The following L3MBTL4 variants were observed in gnomAD, a reference collection of about 807,000 sequenced individuals.
L3MBTL4 encodes the protein lethal(3)malignant brain tumor-like protein 4.
Under a neutral mutation model 84.5 loss-of-function variants are expected in L3MBTL4, and 70 were observed. The ratio of observed to expected loss-of-function variants is 0.83; its 90% confidence interval spans 0.68 to 1.01. L3MBTL4 has a LOEUF of 1.01. Ranked by LOEUF, L3MBTL4 falls within the 50% of genes least tolerant of loss-of-function variation. The pLI, the probability that L3MBTL4 is intolerant of heterozygous loss-of-function variation, is 0.00. For synonymous variants in L3MBTL4, 274 were observed against 259.8 expected (o/e 1.05, Z -0.52); for missense variants, 715 against 754.8 (o/e 0.95, Z 0.62).
intron 12 of L3MBTL4, among the ~76,000 whole-genome samples, chr18:6,207,415 C>T (rs558146324): frequency 6.6e-6 from 1 of 152,266 alleles, no homozygotes; most frequent in East Asian, 1.9e-4. Flanking sequence ...ACATATGCTA[C>T]TTTATTGGGT....
intron 13 of L3MBTL4, among the ~76,000 whole-genome samples, chr18:6,146,933 T>C (rs1304587135): frequency 6.6e-6 from 1 of 151,308 alleles, no homozygotes; most frequent in Non-Finnish European, 1.5e-5. Flanking sequence ...GATGGGGCGC[T>C]AGTGGGCTCG....
At chr18:6,021,903 A>G (rs1391535763) in intron 16 of L3MBTL4, among the ~76,000 whole-genome samples, 1 of 152,070 alleles carries the variant, frequency 6.6e-6, no homozygotes, top group South Asian at 2.1e-4. Flanking sequence ...CTCCTGCCAC[A>G]AAGATGTGCT....
At chr18:6,248,498 T>C (rs1433640376) in intron 5 of L3MBTL4, among the ~76,000 whole-genome samples, 1 of 152,232 alleles carries the variant, frequency 6.6e-6, no homozygotes, top group Non-Finnish European at 1.5e-5. Flanking sequence ...AAAGTTAAAA[T>C]TAGCAAAAGT....
At chr18:6,189,201 C>T (rs1222465700) in intron 12 of L3MBTL4, among the ~76,000 whole-genome samples, 3 of 152,172 alleles carry the variant, frequency 2.0e-5, no homozygotes, top group African/African-American at 4.8e-5. Context: ...TTCTTTTGTG[C>T]CTTTTCCTCT....
intron 4 of L3MBTL4, among the ~76,000 whole-genome samples, chr18:6,289,099 G>GT (rs1337290368): frequency 6.6e-6 from 1 of 151,950 alleles, no homozygotes; most frequent in Admixed American, 6.6e-5. Flanking sequence ...TTGTCCCAAA[G>GT]TTTTTTTAAA....
At chr18:6,156,863 G>A (rs570907039) in intron 13 of L3MBTL4, among the ~76,000 whole-genome samples, 2 of 152,262 alleles carry the variant, frequency 1.3e-5, no homozygotes, top group South Asian at 2.1e-4. Context: ...ACACTGCATC[G>A]CAACTGTGAA....
chr18:6,225,199 G>A (rs898476843), intron 10 of L3MBTL4, among the ~76,000 whole-genome samples: 3 of 152,194 alleles, frequency 2.0e-5, no homozygotes, highest in East Asian at 1.9e-4. Context: ...AATCCAAAGA[G>A]GGACAGATAG....
intron 16 of L3MBTL4, among the ~76,000 whole-genome samples, chr18:6,050,782 G>A (rs183901040): frequency 4.9e-4 from 74 of 152,286 alleles, no homozygotes; most frequent in Non-Finnish European, 4.7e-4. Flanking sequence ...AAAGCTAAGG[G>A]GGGGAATTTT....
intron 16 of L3MBTL4, among the ~76,000 whole-genome samples, chr18:6,069,252 G>A (rs189170933): frequency 1.7e-4 from 26 of 152,300 alleles, no homozygotes; most frequent in African/African-American, 5.3e-4. Flanking sequence ...GGTGTTGTAC[G>A]CAGTGGTGAT....
At chr18:6,056,694 G>A (rs959199109) in intron 16 of L3MBTL4, among the ~76,000 whole-genome samples, 3 of 152,062 alleles carry the variant, frequency 2.0e-5, no homozygotes, top group South Asian at 2.1e-4. Context: ...GGCACTTTCC[G>A]TGAAACCACA....
intron 16 of L3MBTL4, among the ~76,000 whole-genome samples, chr18:6,053,922 T>C (rs2056924026): frequency 6.6e-6 from 1 of 152,382 alleles, no homozygotes; most frequent in Non-Finnish European, 1.5e-5. Flanking sequence ...CAAAGTCTAA[T>C]TGACATGCTT....
chr18:5,964,176 G>A (rs2052212928), intron 17 of L3MBTL4, among the ~76,000 whole-genome samples: 1 of 152,228 alleles, frequency 6.6e-6, no homozygotes, highest in Non-Finnish European at 1.5e-5. Context: ...TAAAATCCCT[G>A]TTTTGTTTTG....
At chr18:6,240,003 G>T in intron 8 of L3MBTL4, 131 bp from the exon 9 acceptor site, 2 of 746,308 alleles carry the variant, frequency 2.7e-6, no homozygotes, top group Non-Finnish European at 4.3e-6. Context: ...TCTGGACAAA[G>T]CCATCAAATG....
At chr18:6,230,482 T>C (rs1344270088) in intron 10 of L3MBTL4, among the ~76,000 whole-genome samples, 3 of 152,150 alleles carry the variant, frequency 2.0e-5, no homozygotes, top group Non-Finnish European at 1.5e-5. Context: ...CAATCTACCA[T>C]TGACAGGCAT....
intron 12 of L3MBTL4, among the ~76,000 whole-genome samples, chr18:6,203,971 C>T (rs1233430764): frequency 2.0e-5 from 3 of 152,174 alleles, no homozygotes; most frequent in African/African-American, 7.2e-5. Flanking sequence ...CACCTTCTGC[C>T]GTGCCCGTTT....
intron 14 of L3MBTL4, among the ~76,000 whole-genome samples, chr18:6,126,876 A>T (rs1162184252): frequency 6.6e-6 from 1 of 152,244 alleles, no homozygotes; most frequent in Admixed American, 6.5e-5. Context: ...GTAAAAATAC[A>T]TCTGCAAGTT....
intron 5 of L3MBTL4, among the ~76,000 whole-genome samples, chr18:6,249,154 T>C (rs1382735494): frequency 1.3e-5 from 2 of 152,202 alleles, no homozygotes; most frequent in African/African-American, 4.8e-5. Context: ...TGCTTTGAAA[T>C]TTCTCGGTTA....
chr18:6,146,911 A>G (rs9947657), intron 13 of L3MBTL4, among the ~76,000 whole-genome samples: 6,591 of 151,876 alleles, frequency 0.043, 499 homozygotes, highest in African/African-American at 0.15. Flanking sequence ...GGCAAAACCT[A>G]TGTGTGCAGA....
chr18:6,401,831 G>A (rs547550975), intron 1 of L3MBTL4, among the ~76,000 whole-genome samples: 10 of 152,338 alleles, frequency 6.6e-5, no homozygotes, highest in South Asian at 2.1e-4. Flanking sequence ...GCAAGTGTGC[G>A]GTGTGCAAGG....
Sources: gnomAD v4.1 joint callset for allele counts (sites outside exome capture counted in the v4.1 genomes callset) on GRCh38, gnomAD v4.1.1 for gene constraint, MANE v1.5 for transcripts, NCBI Gene and HGNC (gene_info 2026-07-23, HGNC 2026-07-21) for gene names.